The following RELN variants were observed in gnomAD, a reference collection of about 807,000 sequenced individuals.
RELN encodes the protein reelin.
A neutral mutation model predicts 427.6 loss-of-function variants in RELN; 108 were observed. The observed-to-expected ratio is 0.25, with a 90% CI of 0.22 to 0.30. RELN has a LOEUF of 0.30. Among genes scored for constraint, RELN ranks in the 10% least tolerant of loss-of-function variants. RELN has a pLI of 1.00. For missense variants in RELN, 3,715 were observed against 4,302.8 expected, an observed-to-expected ratio of 0.86 and a Z score of 3.82; for synonymous variants, 1,524 against 1,513.4, an observed-to-expected ratio of 1.01 and a Z score of -0.16.
chr7:103,665,664 A>C (rs975038611), intron 11 of RELN, among the ~76,000 whole-genome samples: 2 of 151,920 alleles, frequency 1.3e-5, no homozygotes, highest in African/African-American at 4.8e-5. Context: ...GTATTCTAAA[A>C]TTTTTCTGCA....
At chr7:103,756,660 A>T (rs1203736468) in intron 4 of RELN, among the ~76,000 whole-genome samples, 1 of 152,194 alleles carries the variant, frequency 6.6e-6, no homozygotes, top group African/African-American at 2.4e-5. Context: ...GTCCTTTATT[A>T]TAAGTGGTCT....
Position 103,472,010 on chromosome 7 carries a change from G to C in RELN, c.*802C>G, listed in dbSNP as rs1055423775. 1.3e-5 allele frequency: 2 copies of C among 152,468 alleles called. No individual in the cohort carries two copies. The highest frequency in any genetic ancestry group is 4.8e-5 in the African/African-American group (2 of 41,408). 9.4% of individuals were successfully genotyped at this position (152,468 alleles called of 1,614,324 possible). On this transcript the variant is annotated 3_prime_UTR_variant, in exon 65 of 65. Coordinates refer to ENST00000428762, the MANE Select transcript of RELN (RefSeq NM_005045.4). Reference sequence around the variant, plus strand: ...CAACCACTGTTTTACAAATCACTCTGTTATCACAGACAAAAAATGGCAGTT... The same window carrying C: ...CAACCACTGTTTTACAAATCACTCTCTTATCACAGACAAAAAATGGCAGTT...
intron 3 of RELN, among the ~76,000 whole-genome samples, chr7:103,789,014 A>G (rs1279161434): frequency 6.6e-6 from 1 of 152,120 alleles, no homozygotes; most frequent in African/African-American, 2.4e-5. Context: ...GGAACAGAAC[A>G]GAGGCCTCAG....
At chr7:103,843,692 G>T (rs1793609713) in intron 2 of RELN, among the ~76,000 whole-genome samples, 1 of 152,158 alleles carries the variant, frequency 6.6e-6, no homozygotes, top group Non-Finnish European at 1.5e-5. Flanking sequence ...CTCTGAGTTA[G>T]ATACAGATAT....
intron 6 of RELN, among the ~76,000 whole-genome samples, chr7:103,745,502 T>G (rs1235053987): frequency 1.8e-4 from 27 of 146,130 alleles, no homozygotes; most frequent in Admixed American, 1.3e-4. Flanking sequence ...GACATGATTG[T>G]ATATCTATAA....
intron 11 of RELN, among the ~76,000 whole-genome samples, chr7:103,670,841 C>A (rs766391419): frequency 2.6e-5 from 4 of 151,954 alleles, no homozygotes; most frequent in Non-Finnish European, 4.4e-5. Flanking sequence ...ATAAAAGTCA[C>A]TAAACGTAAT....
At chr7:103,847,994 C>T (rs1258765771) in intron 2 of RELN, among the ~76,000 whole-genome samples, 1 of 152,200 alleles carries the variant, frequency 6.6e-6, no homozygotes, top group Non-Finnish European at 1.5e-5. Flanking sequence ...TAAAACATTT[C>T]TACCTGGAGC....
intron 2 of RELN, among the ~76,000 whole-genome samples, chr7:103,852,191 G>T (rs890459303): frequency 2.0e-5 from 3 of 152,116 alleles, no homozygotes; most frequent in Non-Finnish European, 4.4e-5. Flanking sequence ...TGATTTTGAA[G>T]ATCATCACCA....
intron 1 of RELN, among the ~76,000 whole-genome samples, chr7:103,936,741 CAG>C (rs1311134984): frequency 0.028 from 2,210 of 79,814 alleles, 12 homozygotes; most frequent in African/African-American, 0.046. Context: ...GACAGACAGA[CAG>C]ACACACACAC....
intron 2 of RELN, among the ~76,000 whole-genome samples, chr7:103,838,207 T>A (rs1360989361): frequency 1.0e-3 from 17 of 16,296 alleles, no homozygotes; most frequent in East Asian, 9.8e-3. Context: ...AGACTTCGTC[T>A]CAAAAAAAAA....
intron 1 of RELN, among the ~76,000 whole-genome samples, chr7:103,980,476 T>G (rs1356395244): frequency 6.6e-6 from 1 of 152,312 alleles, no homozygotes; most frequent in Non-Finnish European, 1.5e-5. Context: ...GTTTTCTCAT[T>G]TTTGAGATTA....
chr7:103,619,065 C>T (rs1006785352), intron 20 of RELN, among the ~76,000 whole-genome samples: 10 of 151,770 alleles, frequency 6.6e-5, no homozygotes, highest in South Asian at 2.1e-4. Context: ...GCTGAGATTG[C>T]GCCACTGCAC....
chr7:103,946,823 C>T (rs1477145480), intron 1 of RELN, among the ~76,000 whole-genome samples: 2 of 152,166 alleles, frequency 1.3e-5, no homozygotes, highest in Non-Finnish European at 2.9e-5. Context: ...AAAAAACACT[C>T]ATGATAAGCA....
chr7:103,687,323 C>A (rs888526989), intron 10 of RELN, among the ~76,000 whole-genome samples: 4 of 152,086 alleles, frequency 2.6e-5, no homozygotes, highest in Non-Finnish European at 4.4e-5. Flanking sequence ...GGCAAAGATG[C>A]CAGGCACAGT....
intron 1 of RELN, among the ~76,000 whole-genome samples, chr7:103,945,234 G>C (rs1465759856): frequency 6.6e-6 from 1 of 152,096 alleles, no homozygotes; most frequent in Non-Finnish European, 1.5e-5. Context: ...TGACAAAATT[G>C]ACAAAATTCA....
At chr7:103,724,232 T>A (rs1702655773) in intron 7 of RELN, among the ~76,000 whole-genome samples, 1 of 152,120 alleles carries the variant, frequency 6.6e-6, no homozygotes, top group South Asian at 2.1e-4. Context: ...GCACTTTGCT[T>A]CTTATATGTC....
chr7:103,962,646 TTGTGTGTGTGTGTG>T (rs57782980), intron 1 of RELN, among the ~76,000 whole-genome samples: 6 of 149,924 alleles, frequency 4.0e-5, no homozygotes, highest in East Asian at 4.0e-4. Flanking sequence ...TCCAAAGTTG[TTGTGTGTGTGTGTG>T]TGTGTGTGTG....
At chr7:103,585,273 C>T (rs1162431678) in intron 28 of RELN, among the ~76,000 whole-genome samples, 3 of 151,892 alleles carry the variant, frequency 2.0e-5, no homozygotes, top group African/African-American at 4.8e-5. Flanking sequence ...TGATAAGTTG[C>T]CTCTTTGAAA....
intron 1 of RELN, among the ~76,000 whole-genome samples, chr7:103,967,666 C>T (rs916680978): frequency 2.0e-5 from 3 of 152,194 alleles, no homozygotes; most frequent in African/African-American, 7.2e-5. Context: ...CTGAAATCAG[C>T]CCTCTCCCCT....
Sources: gnomAD v4.1 joint callset for allele counts (sites outside exome capture counted in the v4.1 genomes callset) on GRCh38, gnomAD v4.1.1 for gene constraint, MANE v1.5 for transcripts, NCBI Gene and HGNC (gene_info 2026-07-23, HGNC 2026-07-21) for gene names.